Variants in CEP170 observed in about 807,000 individuals in gnomAD.
The protein encoded by CEP170 is centrosomal protein of 170 kDa.
CEP170 carries 21 observed loss-of-function variants against 151.9 expected under a neutral mutation model. That is an observed-to-expected ratio of 0.14 (90% CI 0.10 to 0.20). The LOEUF is 0.20. CEP170 is among the 10% of genes least tolerant of loss of function. CEP170 has a pLI of 1.00. For synonymous variants in CEP170, 356 were observed against 648.8 expected, an observed-to-expected ratio of 0.55 and a Z score of 6.86; for missense variants, 964 against 1,892.9, an observed-to-expected ratio of 0.51 and a Z score of 9.11.
At position 243,189,941 on chromosome 1, in the gene CEP170, AGGCTC is replaced by A. The variant is rs1338978843; in HGVS notation, c.1108+1072_1108+1076del. On this transcript the variant is annotated intron_variant, in intron 8 of 19. Coordinates refer to ENST00000366542, the MANE Select transcript of CEP170 (RefSeq NM_014812.3). ...GATAACTATAATTAAATATTGTGAT[AGGCTC>A]CAACAAATAATTAGGTAATCACATC... Among the ~76,000 whole-genome samples, 24 of 152,334 alleles carry A rather than the reference AGGCTC, an allele frequency of 1.6e-4. 1 individual carries two copies. The highest frequency in any genetic ancestry group is 5.5e-4 in the African/African-American group (23 of 41,598).
intron 11 of CEP170, 108 bp downstream of exon 11, chr1:243,172,589 G>A: frequency 2.3e-6 from 2 of 872,380 alleles, no homozygotes; most frequent in Non-Finnish European, 3.3e-6. Flanking sequence ...CCGAGATCCT[G>A]CCATTGCACT....
At chr1:243,183,337 C>T (rs935745996) in intron 10 of CEP170, among the ~76,000 whole-genome samples, 10 of 152,006 alleles carry the variant, frequency 6.6e-5, no homozygotes, top group African/African-American at 1.9e-4. Flanking sequence ...AGACAAACAA[C>T]AGCTGATGGC....
chr1:243,251,337 A>C (rs551789132), intron 1 of CEP170, among the ~76,000 whole-genome samples: 3 of 152,324 alleles, frequency 2.0e-5, no homozygotes, highest in Non-Finnish European at 4.4e-5. Flanking sequence ...TAAGGAAATA[A>C]GTGGTACCCT....
chr1:243,241,875 G>A (rs1328018182), intron 1 of CEP170, among the ~76,000 whole-genome samples: 1 of 151,714 alleles, frequency 6.6e-6, no homozygotes, highest in Non-Finnish European at 1.5e-5. Context: ...AATACAGGAG[G>A]GTAGGGGGAG....
chr1:243,220,333 G>T (rs2171974), intron 3 of CEP170, among the ~76,000 whole-genome samples: 64,371 of 151,432 alleles, frequency 0.43, 14,530 homozygotes, highest in African/African-American at 0.59. Flanking sequence ...CATCAATCTG[G>T]AAAGGTGGAT....
At chr1:243,189,339 G>A (rs1170925770) in intron 8 of CEP170, among the ~76,000 whole-genome samples, 6 of 151,940 alleles carry the variant, frequency 3.9e-5, no homozygotes, top group East Asian at 1.9e-4. Context: ...GGTGGATCAC[G>A]AGGTCAGGAG....
chr1:243,225,257 CA>C lies in CEP170; in HGVS notation c.23del (p.Leu8TrpfsTer2). On this transcript the variant is annotated frameshift_variant, in exon 2 of 20. Transcript: ENST00000366542. LOFTEE classifies it high-confidence loss of function. MSLTSWF[L>X]VSSGGTRHRL... ...TGTGGCGAGTGCCTCCACTGCTCAC[CA>C]AAAACCAGGATGTTAAGCTCATTTT... 6.9e-6 allele frequency: 11 copies of C among 1,592,932 alleles called. No homozygotes were observed. The highest frequency in any genetic ancestry group is 2.3e-5 in the South Asian group (2 of 87,334).
intron 2 of CEP170, among the ~76,000 whole-genome samples, chr1:243,223,834 A>G (rs1335178726): frequency 6.6e-6 from 1 of 152,238 alleles, no homozygotes; most frequent in East Asian, 1.9e-4. Context: ...CCATTTGTGT[A>G]ACTATTTTTT....
rs1329933882 is a variant in CEP170 at position 243,149,454 on chromosome 1, A to G, written c.3911+6767T>C. ...AATGTGGAAAACTACAGAGAAACTG[A>G]AGAATCACTGTCATCTGAACCTGTG... is the stretch of plus-strand genomic sequence containing the variant. On this transcript the variant is annotated intron_variant, in intron 14 of 19. Coordinates refer to ENST00000366542, the MANE Select transcript of CEP170 (RefSeq NM_014812.3). Among the ~76,000 whole-genome samples the G allele has an allele frequency of 2.0e-5, 3 of 152,076 alleles. 1 individual carries two copies. The highest frequency in any genetic ancestry group is 7.2e-5 in the African/African-American group (3 of 41,404).
rs570593075 is a variant in CEP170, at chr1:243,173,727, C to A, written c.1567-881G>T. Among the ~76,000 whole-genome samples, 15 of 148,118 alleles carry A rather than the reference C, an allele frequency of 1.0e-4. No individual in the cohort carries two copies. The South Asian group carries it at 3.0e-3, about 29-fold the overall frequency. ...TTCCAGCCTGGGCGAAAAAGTGAGA[C>A]CCTGTTTCAAAAAAAAAAAAAAAAA... On this transcript the variant is annotated intron_variant, in intron 10 of 19. Transcript: ENST00000366542.
intron 1 of CEP170, among the ~76,000 whole-genome samples, chr1:243,245,987 C>A (rs7548435): frequency 0.045 from 6,742 of 151,386 alleles, 300 homozygotes; most frequent in African/African-American, 0.12. Flanking sequence ...AAAAAAGATA[C>A]GTAATATTCA....
In CEP170 at chr1:243,221,742, A is replaced by G. The variant is rs148939062; in HGVS notation, c.177T>C (p.Asp59=). 6.9e-5 allele frequency: 112 copies of G among 1,612,268 alleles called. No homozygotes were observed. In the East Asian group the frequency reaches 2.5e-3, roughly 35 times the overall value. The change falls in exon 3 of 20, where the codon GAT becomes GAC. Residue 59 remains aspartate (D), a synonymous_variant. Coordinates refer to ENST00000366542, the MANE Select transcript of CEP170 (RefSeq NM_014812.3). ...GACTTACCCCATTGAGGCTGCCCAA[A>G]TCCTTCACTAAATGCTCATCCGTAG... ...DASTDEHLVK[D]LGSLNGTFVN... is the part of the protein sequence containing the mutation.
At position 243,168,415 on chromosome 1, in the gene CEP170, G is replaced by T. The variant is rs1416534182; in HGVS notation, c.1843+1213C>A. The T allele has an allele frequency of 2.6e-5, 4 of 151,922 alleles. No individual in the cohort carries two copies. The East Asian group carries it at 7.7e-4, about 29-fold the overall frequency. 9.4% of individuals were successfully genotyped at this position (151,922 alleles called of 1,614,324 possible). A position where few individuals can be genotyped will look rare whatever the true frequency, so the allele number is the denominator to read the frequency against. ...CTTTTTGCTTTTTAACTGTAAGTGAGTATTTATTTTTCAACTTGGATAAGT... is the reference window on the plus strand; with the variant it reads ...CTTTTTGCTTTTTAACTGTAAGTGATTATTTATTTTTCAACTTGGATAAGT... On this transcript the variant is annotated intron_variant, in intron 12 of 19. Coordinates refer to ENST00000366542, the MANE Select transcript of CEP170 (RefSeq NM_014812.3).
intron 4 of CEP170, among the ~76,000 whole-genome samples, chr1:243,201,658 T>A (rs2148840750): frequency 6.6e-6 from 1 of 152,250 alleles, no homozygotes; most frequent in African/African-American, 2.4e-5. Flanking sequence ...GGGAAAAAGA[T>A]GACTTCCCAA....
At position 243,188,982 on chromosome 1, in the gene CEP170, T is replaced by C. The variant is rs531820069; in HGVS notation, c.1108+2036A>G. ...CTATCTTGGATCAAAAAATGAGTTATATTCACAAAAACATTATCTTCAATG... is the reference window on the plus strand; with the variant it reads ...CTATCTTGGATCAAAAAATGAGTTACATTCACAAAAACATTATCTTCAATG... On this transcript the variant is annotated intron_variant, in intron 8 of 19. Transcript: ENST00000366542. 2.5e-4 allele frequency among the ~76,000 whole-genome samples: 38 copies of C among 152,312 alleles called. No individual in the cohort carries two copies. In the South Asian group the frequency reaches 4.1e-3, roughly 17 times the overall value.
At chr1:243,203,402 C>T (rs1368022575) in intron 4 of CEP170, among the ~76,000 whole-genome samples, 1 of 152,162 alleles carries the variant, frequency 6.6e-6, no homozygotes, top group Non-Finnish European at 1.5e-5. Context: ...AAATGTTTAT[C>T]TAAAAGTAGG....
intron 7 of CEP170, among the ~76,000 whole-genome samples, chr1:243,193,080 G>A (rs1202860992): frequency 1.3e-5 from 2 of 151,950 alleles, no homozygotes; most frequent in East Asian, 3.8e-4. Flanking sequence ...TATATGACAT[G>A]ACCTAAGTTT....
chr1:243,217,140 T>G (rs553934851), intron 3 of CEP170, among the ~76,000 whole-genome samples: 1 of 152,176 alleles, frequency 6.6e-6, no homozygotes, highest in Non-Finnish European at 1.5e-5. Flanking sequence ...GTAACACAGA[T>G]AGGAATTCTT....
At position 243,165,034 on chromosome 1, in the gene CEP170, C is replaced by A. The variant is rs1411512462; in HGVS notation, c.2926G>T (p.Val976Phe). 5.0e-6 allele frequency: 8 copies of A among 1,612,196 alleles called. No individual in the cohort carries two copies. Among genetic ancestry groups the A allele is most frequent in the East Asian group, 2.2e-5 (1 of 44,840 alleles). ...GCACCTGAAGATGATGATTTTGTAACATCTTTGGAAGGAGAACCTGTGGAA... is the reference window on the plus strand; with the variant it reads ...GCACCTGAAGATGATGATTTTGTAAAATCTTTGGAAGGAGAACCTGTGGAA... ...RCSTGSPSKD[V>F]TKSSSSGARE... The change falls in exon 13 of 20, where the codon GTT becomes TTT. Residue 976 changes from valine to phenylalanine, a missense_variant. Transcript: ENST00000366542.
Sources: allele counts gnomAD v4.1 joint callset (sites outside exome capture counted in the v4.1 genomes callset), GRCh38; gene constraint gnomAD v4.1.1; transcripts MANE v1.5; gene names NCBI Gene and HGNC (gene_info 2026-07-23, HGNC 2026-07-21).